The following UGT1A10 variants were observed in gnomAD, a reference collection of about 807,000 sequenced individuals.
UGT1A10 encodes the protein UDP-glucuronosyltransferase 1A10.
A neutral mutation model predicts 45.8 loss-of-function variants in UGT1A10; 49 were observed. The observed-to-expected ratio is 1.07, with a 90% CI of 0.85 to 1.36. UGT1A10 has a LOEUF of 1.36. Among genes scored for constraint, UGT1A10 ranks in the 40% most tolerant of loss-of-function variants. The pLI is 0.00. For synonymous variants in UGT1A10, 284 were observed against 249.7 expected (o/e 1.14, Z -1.29); for missense variants, 745 against 668.6 (o/e 1.11, Z -1.26).
At chr2:233,757,107 C>A (rs999241800) in intron 1 of UGT1A10, among the ~76,000 whole-genome samples, 3 of 150,946 alleles carry the variant, frequency 2.0e-5, no homozygotes, top group African/African-American at 7.3e-5. Flanking sequence ...AGGGGGCAAG[C>A]AGAAGGGCTA....
intron 1 of UGT1A10, among the ~76,000 whole-genome samples, chr2:233,654,746 C>A (rs2073817724): frequency 2.0e-5 from 3 of 152,180 alleles, no homozygotes; most frequent in African/African-American, 7.2e-5. Context: ...CAAACCACAT[C>A]TTGAACAGAC....
intron 1 of UGT1A10, among the ~76,000 whole-genome samples, chr2:233,645,894 C>G (rs1011172036): frequency 6.6e-6 from 1 of 152,232 alleles, no homozygotes; most frequent in Non-Finnish European, 1.5e-5. Flanking sequence ...GGCAGTCCCC[C>G]AGTTGTTGCT....
At chr2:233,693,184 G>A (rs1457518108) in intron 1 of UGT1A10, 2 of 1,614,016 alleles carry the variant, frequency 1.2e-6, no homozygotes, top group African/African-American at 1.3e-5. Flanking sequence ...TAGTGGTGGT[G>A]CCTGAAGTTA....
At chr2:233,762,292 A>G (rs1037418079) in intron 1 of UGT1A10, among the ~76,000 whole-genome samples, 1 of 152,236 alleles carries the variant, frequency 6.6e-6, no homozygotes, top group Non-Finnish European at 1.5e-5. Context: ...GAAAGGTGCC[A>G]ACCGAGGTCT....
At chr2:233,729,079 C>G (rs372945950) in intron 1 of UGT1A10, 1,314 of 1,611,886 alleles carry the variant, frequency 8.2e-4, no homozygotes, top group Non-Finnish European at 1.1e-3. Flanking sequence ...GCAAATGTAG[C>G]AGGCACAGCG....
At chr2:233,736,941 G>A (rs2125804674) in intron 1 of UGT1A10, among the ~76,000 whole-genome samples, 1 of 152,244 alleles carries the variant, frequency 6.6e-6, no homozygotes, top group East Asian at 1.9e-4. Context: ...ACCTATATGA[G>A]GTGTCTGTTG....
intron 1 of UGT1A10, chr2:233,743,185 G>T (rs546323978): frequency 5.4e-6 from 2 of 372,628 alleles, no homozygotes; most frequent in Non-Finnish European, 1.1e-5. Flanking sequence ...ATGTGGACTG[G>T]AATTACTTGG....
intron 1 of UGT1A10, chr2:233,692,226 T>C (rs2075085606): frequency 6.6e-6 from 1 of 152,364 alleles, no homozygotes; most frequent in Non-Finnish European, 1.5e-5. Context: ...AGATGGCAGA[T>C]GGGGCTCCAT....
chr2:233,757,888 A>G (rs182101094), intron 1 of UGT1A10, among the ~76,000 whole-genome samples: 97 of 152,124 alleles, frequency 6.4e-4, no homozygotes, highest in African/African-American at 2.1e-3. Flanking sequence ...GGGTTCCAGA[A>G]ACACTTTCCA....
At chr2:233,737,065 T>C (rs1559381236) in intron 1 of UGT1A10, among the ~76,000 whole-genome samples, 1 of 152,236 alleles carries the variant, frequency 6.6e-6, no homozygotes, top group African/African-American at 2.4e-5. Context: ...ACGAGTGCTC[T>C]CTTCAGAGCT....
Position 233,636,460 on chromosome 2 carries a change from C to T in UGT1A10, c.-63C>T. The T allele has an allele frequency of 1.3e-6, 2 of 1,549,194 alleles. No individual in the cohort carries two copies. The highest frequency in any genetic ancestry group is 1.3e-5 in the South Asian group (1 of 79,758). Reference sequence around the variant, plus strand: ...GGGGTCAGGTTTTGTGCCTGTACTTCTTCCGCCTACTGTATCATAGCAGCT... The same window carrying T: ...GGGGTCAGGTTTTGTGCCTGTACTTTTTCCGCCTACTGTATCATAGCAGCT... On this transcript the variant is annotated 5_prime_UTR_variant, in exon 1 of 5. Coordinates refer to ENST00000344644, the MANE Select transcript of UGT1A10 (RefSeq NM_019075.4).
At chr2:233,639,794 A>G (rs1375528204) in intron 1 of UGT1A10, among the ~76,000 whole-genome samples, 1 of 152,224 alleles carries the variant, frequency 6.6e-6, no homozygotes, top group Non-Finnish European at 1.5e-5. Flanking sequence ...GGAGGGGACA[A>G]ACTTTTAAAC....
At chr2:233,670,543 T>A (rs1461913027) in intron 1 of UGT1A10, among the ~76,000 whole-genome samples, 3 of 151,826 alleles carry the variant, frequency 2.0e-5, no homozygotes, top group Admixed American at 2.0e-4. Context: ...AGGAATTTGT[T>A]TTCTGGCATG....
At chr2:233,647,155 C>T (rs1056631682) in intron 1 of UGT1A10, among the ~76,000 whole-genome samples, 2 of 152,106 alleles carry the variant, frequency 1.3e-5, no homozygotes, top group Non-Finnish European at 1.5e-5. Context: ...GAGAACATCA[C>T]GGGAAACGCC....
chr2:233,639,300 T>C (rs959351382), intron 1 of UGT1A10, among the ~76,000 whole-genome samples: 10 of 152,230 alleles, frequency 6.6e-5, no homozygotes, highest in Non-Finnish European at 1.0e-4. Context: ...TATATTAATG[T>C]ATATTTTTAT....
At chr2:233,705,231 T>C (rs77358763) in intron 1 of UGT1A10, among the ~76,000 whole-genome samples, 5,756 of 152,326 alleles carry the variant, frequency 0.038, 132 homozygotes, top group Non-Finnish European at 0.058. Flanking sequence ...CAGTGCTTTT[T>C]TTCTGTATGA....
intron 1 of UGT1A10, among the ~76,000 whole-genome samples, chr2:233,739,319 A>G (rs1691051030): frequency 3.3e-5 from 5 of 152,150 alleles, no homozygotes; most frequent in Admixed American, 3.3e-4. Flanking sequence ...AGTTGTGAGA[A>G]GAAGGCCACA....
intron 4 of UGT1A10, 47 bp downstream of exon 4, chr2:233,768,486 T>A: frequency 1.3e-6 from 2 of 1,583,238 alleles, no homozygotes; most frequent in East Asian, 2.3e-5. Context: ...GCATTCATGA[T>A]AAAATTGTTT....
chr2:233,680,276 C>T (rs998982659), intron 1 of UGT1A10, among the ~76,000 whole-genome samples: 1 of 152,044 alleles, frequency 6.6e-6, no homozygotes, highest in Non-Finnish European at 1.5e-5. Context: ...ACAGTAGAAC[C>T]ATAAGAGATC....
Sources: gnomAD v4.1 joint callset for allele counts (sites outside exome capture counted in the v4.1 genomes callset) on GRCh38, gnomAD v4.1.1 for gene constraint, MANE v1.5 for transcripts, NCBI Gene and HGNC (gene_info 2026-07-23, HGNC 2026-07-21) for gene names.